Variants in COMMD1 observed in about 807,000 individuals in gnomAD.
COMMD1 encodes the protein copper metabolism domain containing 1, also known as COMM domain-containing protein 1.
COMMD1 carries 10 observed loss-of-function variants against 17.2 expected under a neutral mutation model. The ratio of observed to expected loss-of-function variants is 0.58; its 90% CI spans 0.36 to 0.99. The LOEUF (loss-of-function observed/expected upper bound fraction) is 0.99, where lower values mean the gene tolerates loss of function less well. Among genes scored for constraint, COMMD1 ranks in the 50% least tolerant of loss-of-function variants. COMMD1 has a pLI of 0.01. For missense variants in COMMD1, 270 were observed against 231.8 expected (o/e 1.17, Z -1.07); for synonymous variants, 97 against 91.6 (o/e 1.06, Z -0.34).
intron 2 of COMMD1, among the ~76,000 whole-genome samples, chr2:62,101,855 G>A (rs1672188243): frequency 6.6e-6 from 1 of 152,146 alleles, no homozygotes; most frequent in Non-Finnish European, 1.5e-5. Context: ...AAACACTGTT[G>A]TTTGGGGTTT....
At chr2:62,039,954 A>T (rs960443869) in intron 2 of COMMD1, among the ~76,000 whole-genome samples, 2 of 152,184 alleles carry the variant, frequency 1.3e-5, no homozygotes, top group African/African-American at 4.8e-5. Context: ...ACCAATAGCC[A>T]TTTGTTAAGA....
intron 1 of COMMD1, among the ~76,000 whole-genome samples, chr2:61,963,106 G>A (rs1386075267): frequency 6.6e-6 from 1 of 150,936 alleles, no homozygotes; most frequent in Non-Finnish European, 1.5e-5. Flanking sequence ...GTTACAGTGA[G>A]CCGAGATCAT....
intron 2 of COMMD1, among the ~76,000 whole-genome samples, chr2:62,038,577 T>C (rs1369280047): frequency 6.6e-6 from 1 of 152,198 alleles, no homozygotes; most frequent in Non-Finnish European, 1.5e-5. Flanking sequence ...AGACGGAGTC[T>C]TGCTCTGTTG....
At chr2:61,983,432 C>T (rs998516924) in intron 1 of COMMD1, among the ~76,000 whole-genome samples, 10 of 152,020 alleles carry the variant, frequency 6.6e-5, no homozygotes, top group Admixed American at 1.3e-4. Flanking sequence ...CCTCGTGATC[C>T]GACCGCCTCG....
intron 1 of COMMD1, among the ~76,000 whole-genome samples, chr2:61,963,303 A>G (rs755099758): frequency 7.9e-5 from 12 of 151,718 alleles, no homozygotes; most frequent in Non-Finnish European, 1.5e-5. Context: ...TGTTCCACCA[A>G]ATTATTGAAC....
At chr2:62,076,518 G>A (rs766919499) in intron 2 of COMMD1, among the ~76,000 whole-genome samples, 10 of 152,212 alleles carry the variant, frequency 6.6e-5, no homozygotes, top group East Asian at 1.9e-4. Context: ...AGGCCAAAGC[G>A]GCTGGATCGC....
chr2:62,134,766 GA>G (rs532511283), intron 2 of COMMD1, among the ~76,000 whole-genome samples: 6 of 151,970 alleles, frequency 3.9e-5, no homozygotes, highest in South Asian at 2.1e-4. Context: ...AACAGAGGGG[GA>G]AAAAAATCTT....
At chr2:61,888,569 C>A, upstream of COMMD1, 1 of 1,574,290 alleles carries the variant, frequency 6.4e-7, no homozygotes, top group Non-Finnish European at 8.6e-7. Context: ...TTCTGGCCGG[C>A]CGCAGTGTAA....
At chr2:62,029,980 T>A (rs771943858) in intron 2 of COMMD1, among the ~76,000 whole-genome samples, 7 of 152,234 alleles carry the variant, frequency 4.6e-5, no homozygotes, top group African/African-American at 7.2e-5. Flanking sequence ...ATAGGGAAAT[T>A]GTTCATTTTC....
intron 1 of COMMD1, among the ~76,000 whole-genome samples, chr2:61,944,116 G>A (rs1572987750): frequency 6.6e-6 from 1 of 152,068 alleles, no homozygotes. Flanking sequence ...TGAGCCAATC[G>A]AGATTAATTG....
chr2:61,983,698 T>TA (rs1672021916), intron 1 of COMMD1, among the ~76,000 whole-genome samples: 1 of 152,284 alleles, frequency 6.6e-6, no homozygotes, highest in African/African-American at 2.4e-5. Context: ...TTTCTTTTTT[T>TA]ATCTCTAATT....
intron 2 of COMMD1, among the ~76,000 whole-genome samples, chr2:62,099,749 C>A (rs961377771): frequency 2.0e-5 from 3 of 151,966 alleles, no homozygotes; most frequent in Non-Finnish European, 4.4e-5. Flanking sequence ...GCTCAAAACA[C>A]CAGGCGACCA....
chr2:61,982,344 A>G (rs573995340), intron 1 of COMMD1, among the ~76,000 whole-genome samples: 1 of 152,176 alleles, frequency 6.6e-6, no homozygotes, highest in Non-Finnish European at 1.5e-5. Flanking sequence ...TTAATTTTGT[A>G]TCATGCAACT....
At chr2:62,061,200 C>G (rs1055568850) in intron 2 of COMMD1, among the ~76,000 whole-genome samples, 3 of 152,276 alleles carry the variant, frequency 2.0e-5, no homozygotes, top group Middle Eastern at 3.4e-3. Flanking sequence ...CAAGTTTGGT[C>G]TCCAACTGTT....
At chr2:61,950,433 C>T (rs920669706) in intron 1 of COMMD1, among the ~76,000 whole-genome samples, 1 of 152,192 alleles carries the variant, frequency 6.6e-6, no homozygotes, top group Non-Finnish European at 1.5e-5. Context: ...ATGAGTAATT[C>T]ACTCAATAGT....
intron 2 of COMMD1, among the ~76,000 whole-genome samples, chr2:62,075,082 T>A (rs1200362310): frequency 6.6e-6 from 1 of 151,822 alleles, no homozygotes; most frequent in Admixed American, 6.6e-5. Flanking sequence ...AGAGACAGGG[T>A]TTCGCCATGT....
chr2:62,047,442 C>A (rs189025948), intron 2 of COMMD1, among the ~76,000 whole-genome samples: 1 of 152,002 alleles, frequency 6.6e-6, no homozygotes, highest in Non-Finnish European at 1.5e-5. Context: ...TTTATGGTAA[C>A]TGCCCTTTCT....
intron 2 of COMMD1, among the ~76,000 whole-genome samples, chr2:62,087,426 T>A (rs1465307132): frequency 1.3e-5 from 2 of 152,254 alleles, no homozygotes; most frequent in African/African-American, 4.8e-5. Flanking sequence ...AACAGTCTTC[T>A]GAGATAAAGG....
chr2:61,984,413 CGT>C (rs1388893277), intron 1 of COMMD1, among the ~76,000 whole-genome samples: 3 of 152,112 alleles, frequency 2.0e-5, no homozygotes, highest in African/African-American at 7.2e-5. Flanking sequence ...ATTACAGTAC[CGT>C]ATTGGTCATT....
Sources: allele counts gnomAD v4.1 joint callset (sites outside exome capture counted in the v4.1 genomes callset), GRCh38; gene constraint gnomAD v4.1.1; transcripts MANE v1.5; gene names NCBI Gene and HGNC (gene_info 2026-07-23, HGNC 2026-07-21).